Variants in PLAGL1 observed in about 807,000 individuals in gnomAD.
PLAGL1 encodes zinc finger protein PLAGL1.
Under a neutral mutation model 4.6 loss-of-function variants are expected in PLAGL1, and 1 was observed. The ratio of observed to expected loss-of-function variants is 0.22; its 90% CI spans 0.08 to 1.03. The LOEUF (loss-of-function observed/expected upper bound fraction) is 1.03, where lower values mean the gene tolerates loss of function less well. Among genes scored for constraint, PLAGL1 ranks in the 50% least tolerant of loss-of-function variants. The pLI is 0.58. For synonymous variants in PLAGL1, 240 were observed against 237.8 expected (o/e 1.01, Z -0.08); for missense variants, 464 against 570.4 (o/e 0.81, Z 1.90).
intron 2 of PLAGL1, among the ~76,000 whole-genome samples, chr6:143,974,603 CAATT>C (rs1024767138): frequency 8.5e-5 from 13 of 152,160 alleles, no homozygotes; most frequent in East Asian, 1.9e-4. Flanking sequence ...AATGGTGTGA[CAATT>C]AATTAGGAAC....
chr6:144,031,424 T>C (rs376450299), intron 1 of PLAGL1, among the ~76,000 whole-genome samples: 5 of 152,320 alleles, frequency 3.3e-5, no homozygotes, highest in African/African-American at 7.2e-5. Flanking sequence ...AGTCTTTGTC[T>C]AAGCCAAGGT....
intron 1 of PLAGL1, among the ~76,000 whole-genome samples, chr6:143,992,849 G>A (rs763400174): frequency 2.2e-4 from 33 of 150,468 alleles, no homozygotes; most frequent in Non-Finnish European, 3.5e-4. Flanking sequence ...GTGGTGGCGC[G>A]TGCCTGTAAT....
rs1029620781 is a variant in PLAGL1 at position 143,963,479 on chromosome 6, A to G, written c.-399+1308T>C. 5.3e-5 allele frequency among the ~76,000 whole-genome samples: 8 copies of G among 152,192 alleles called. No individual in the cohort carries two copies. On this transcript the variant is annotated intron_variant, in intron 5 of 7. Transcript: ENST00000674357. This position sits in a 1 kb window ranked among gnomAD's most constrained non-coding sequence, Gnocchi z 6.1. ...CCCGGATCCTCACCAGGTGATGGCTACTGTTTTAAGAACTTTACCTAATAC... is the reference window on the plus strand; with the variant it reads ...CCCGGATCCTCACCAGGTGATGGCTGCTGTTTTAAGAACTTTACCTAATAC...
rs988593631 is a variant in PLAGL1 at position 143,966,482 on chromosome 6, C to T, written c.-471-284G>A. ...AGAGCATTCTAAATCTTCCCTGACT[C>T]AGCACAACATCTTTGTGCACTCTGA... On this transcript the variant is annotated intron_variant, in intron 3 of 7. Coordinates refer to ENST00000674357, the MANE Select transcript of PLAGL1 (RefSeq NM_001317162.2). This position sits in a 1 kb window ranked among gnomAD's most constrained non-coding sequence, Gnocchi z 6.0. 3.9e-5 allele frequency: 6 copies of T among 152,190 alleles called. No individual in the cohort carries two copies. Among genetic ancestry groups the T allele is most frequent in the African/African-American group, 1.2e-4 (5 of 41,442 alleles). The allele number at this position is 152,190 out of a possible 1,614,324, so 9.4% of individuals were successfully genotyped here.
chr6:143,951,853 C>CTAAT (rs1781144228), intron 6 of PLAGL1, among the ~76,000 whole-genome samples: 1 of 152,198 alleles, frequency 6.6e-6, no homozygotes, highest in South Asian at 2.1e-4. Context: ...TAGCCTAATA[C>CTAAT]TAATTGCAAA....
In PLAGL1 at chr6:144,061,129, T is replaced by C. The variant is rs1416324085; in HGVS notation, c.-151+3339A>G. Among the ~76,000 whole-genome samples, 2 of 152,218 alleles carry C rather than the reference T, an allele frequency of 1.3e-5. No homozygotes were observed. The highest frequency in any genetic ancestry group is 4.8e-5 in the African/African-American group (2 of 41,454). On this transcript the variant is annotated intron_variant, in intron 1 of 3. Coordinates refer to the PLAGL1 transcript ENST00000437412. The surrounding 1 kb of genome is among the most constrained non-coding windows in gnomAD (Gnocchi z 4.4). ...GGTGACAGTGTGAGTAGAAGAGTTGTAACAGACATGCATGATTACAGCCTT... is the reference window on the plus strand; with the variant it reads ...GGTGACAGTGTGAGTAGAAGAGTTGCAACAGACATGCATGATTACAGCCTT...
chr6:143,953,409 A>G lies in PLAGL1; in HGVS notation c.-324-4949T>C, dbSNP rs1781465859. On this transcript the variant is annotated intron_variant, in intron 6 of 7. Coordinates refer to ENST00000674357, the MANE Select transcript of PLAGL1 (RefSeq NM_001317162.2). The surrounding 1 kb of genome is among the most constrained non-coding windows in gnomAD (Gnocchi z 5.3). ...TACTTTCTAAGAAATGAGGCTTAAGATAAACAAGAAAGACAAAGTGAATTA... is the reference window on the plus strand; with the variant it reads ...TACTTTCTAAGAAATGAGGCTTAAGGTAAACAAGAAAGACAAAGTGAATTA... 6.6e-6 allele frequency among the ~76,000 whole-genome samples: 1 copy of G among 152,254 alleles called. No individual in the cohort carries two copies. Among genetic ancestry groups the G allele is most frequent in the Admixed American group, 6.5e-5 (1 of 15,288 alleles).
intron 1 of PLAGL1, among the ~76,000 whole-genome samples, chr6:144,047,828 C>A (rs1197128366): frequency 6.6e-6 from 1 of 152,150 alleles, no homozygotes; most frequent in East Asian, 1.9e-4. Context: ...AACCAATCAG[C>A]CCTTCCCAAC....
intron 1 of PLAGL1, among the ~76,000 whole-genome samples, chr6:143,998,860 G>A (rs1014764246): frequency 3.9e-5 from 6 of 152,152 alleles, no homozygotes; most frequent in African/African-American, 1.4e-4. Flanking sequence ...GGGCTGATGC[G>A]TGGTTAGGAC....
chr6:144,045,716 T>C (rs1204177041), intron 1 of PLAGL1, among the ~76,000 whole-genome samples: 1 of 152,222 alleles, frequency 6.6e-6, no homozygotes, highest in Non-Finnish European at 1.5e-5. Context: ...CTGTATTTCC[T>C]GAATTTGAAT....
At chr6:144,021,727 G>A (rs1795992860) in intron 1 of PLAGL1, among the ~76,000 whole-genome samples, 1 of 152,232 alleles carries the variant, frequency 6.6e-6, no homozygotes, top group African/African-American at 2.4e-5. Context: ...CTTTTAGGCA[G>A]TGGGAGTAAT....
intron 1 of PLAGL1, among the ~76,000 whole-genome samples, chr6:143,993,649 T>G (rs1791026200): frequency 6.6e-6 from 1 of 152,168 alleles, no homozygotes. Context: ...AATCTTTTCA[T>G]GTGGATAAAA....
In PLAGL1 at chr6:143,983,348, CA is replaced by C. The variant is rs1788353737; in HGVS notation, c.-544+1786del. Among the ~76,000 whole-genome samples, 1 of 151,958 alleles carries C rather than the reference CA, an allele frequency of 6.6e-6. No homozygotes were observed. The highest frequency in any genetic ancestry group is 2.4e-5 in the African/African-American group (1 of 41,338). On this transcript the variant is annotated intron_variant, in intron 2 of 7. Transcript: ENST00000674357. This position sits in a 1 kb window ranked among gnomAD's most constrained non-coding sequence, Gnocchi z 6.6. ...GAAATTGTGTAAAAGGAAGCAGGGA[CA>C]TTAAATGGGGTAGTAAGTAGAGAGG...
chr6:144,039,915 C>T lies in PLAGL1; in HGVS notation c.-151+24553G>A, dbSNP rs770229409. Among the ~76,000 whole-genome samples the T allele has an allele frequency of 6.6e-6, 1 of 151,888 alleles. No homozygotes were observed. The highest frequency in any genetic ancestry group is 1.5e-5 in the Non-Finnish European group (1 of 67,980). On this transcript the variant is annotated intron_variant, in intron 1 of 3. Transcript: ENST00000437412. The surrounding 1 kb of genome is among the most constrained non-coding windows in gnomAD (Gnocchi z 4.1). ...GTGGCACATAATGGCATCCTTATGCCAATAAAAATGGATGAAATTATAGTT... is the reference window on the plus strand; with the variant it reads ...GTGGCACATAATGGCATCCTTATGCTAATAAAAATGGATGAAATTATAGTT...
chr6:143,949,672 TG>T lies in PLAGL1; in HGVS notation c.-324-1213del, dbSNP rs1445626064. 6.6e-6 allele frequency among the ~76,000 whole-genome samples: 1 copy of T among 152,196 alleles called. No homozygotes were observed. Among genetic ancestry groups the T allele is most frequent in the Non-Finnish European group, 1.5e-5 (1 of 68,034 alleles). On this transcript the variant is annotated intron_variant, in intron 6 of 7. Transcript: ENST00000674357. This position sits in a 1 kb window ranked among gnomAD's most constrained non-coding sequence, Gnocchi z 5.3. ...ACTTAAAAAAATTAAGAGTACTGTA[TG>T]CTTAGGTGAAGTACACTTGAGTAGC...
chr6:144,040,932 A>C (rs534535967), intron 1 of PLAGL1, among the ~76,000 whole-genome samples: 2 of 152,276 alleles, frequency 1.3e-5, no homozygotes, highest in South Asian at 4.2e-4. Flanking sequence ...TGAAGAAGTA[A>C]AGATAGCCCA....
rs757200008 is a variant in PLAGL1, at chr6:143,942,470, T to G, written c.346A>C (p.Ser116Arg). 1 of 1,614,176 alleles carries G rather than the reference T, an allele frequency of 6.2e-7. No homozygotes were observed. Among genetic ancestry groups the G allele is most frequent in the Non-Finnish European group, 8.5e-7 (1 of 1,180,016 alleles). The change falls in exon 8 of 8, where the codon AGC (serine) becomes CGC (arginine). Residue 116 changes from serine (S) to arginine (R), a missense_variant. This residue lies in a region of PLAGL1 where 161 missense variants were observed against 196.7 expected (regional missense o/e 0.82). Coordinates refer to ENST00000674357, the MANE Select transcript of PLAGL1 (RefSeq NM_001317162.2). The surrounding 1 kb of genome is among the most constrained non-coding windows in gnomAD (Gnocchi z 7.6). Reference protein sequence around the residue: ...YKRHLALHAASSGDLTCGVCA... With the variant: ...YKRHLALHAARSGDLTCGVCA... ...ACCCCACAGGTGAGGTCCCCACTGC[T>G]GGCCGCATGGAGGGCCAGGTGCCTC...
rs1018762618 is a variant in PLAGL1, at chr6:144,054,780, T to A, written c.-151+9688A>T. ...GAAAAAGAAAAACTAAAAAAGAGTG[T>A]GTGTGTGTGTGTGTGTGTGTGTGTG... On this transcript the variant is annotated intron_variant, in intron 1 of 3. Coordinates refer to the PLAGL1 transcript ENST00000437412. 3.4e-3 allele frequency among the ~76,000 whole-genome samples: 189 copies of A among 55,704 alleles called. 1 individual carries two copies. Among genetic ancestry groups the A allele is most frequent in the African/African-American group, 0.02 (177 of 9,064 alleles). 36.5% of individuals were successfully genotyped at this position (55,704 alleles called of 152,430 possible). A position where few individuals can be genotyped will look rare whatever the true frequency, so the allele number is the denominator to read the frequency against.
intron 1 of PLAGL1, among the ~76,000 whole-genome samples, chr6:144,031,942 G>T (rs1796862620): frequency 6.6e-6 from 1 of 152,154 alleles, no homozygotes. Context: ...GCTTTTGGTA[G>T]TATGATCAAT....
Sources: gnomAD v4.1 joint callset for allele counts (sites outside exome capture counted in the v4.1 genomes callset) on GRCh38, gnomAD v4.1.1 for gene constraint, gnomAD v4.1.1 regional missense constraint, Gnocchi (gnomAD v3.1) non-coding constraint, MANE v1.5 for transcripts, NCBI Gene and HGNC (gene_info 2026-07-23, HGNC 2026-07-21) for gene names.